The following DPP6 variants were observed in gnomAD, a reference collection of about 807,000 sequenced individuals.
DPP6 encodes the protein A-type potassium channel modulatory protein DPP6.
DPP6 carries 69 observed loss-of-function variants against 122.6 expected under a neutral mutation model. That is an observed-to-expected ratio of 0.56 (90% CI 0.46 to 0.69). The LOEUF (loss-of-function observed/expected upper bound fraction) is 0.69, where lower values mean the gene tolerates loss of function less well. Among genes scored for constraint, DPP6 ranks in the 30% least tolerant of loss-of-function variants. The pLI is 0.00. For synonymous variants in DPP6, 418 were observed against 433.1 expected (o/e 0.97, Z 0.43); for missense variants, 928 against 1,116.9 (o/e 0.83, Z 2.41).
chr7:154,764,756 A>T (rs930218403), intron 8 of DPP6, among the ~76,000 whole-genome samples: 1 of 152,124 alleles, frequency 6.6e-6, no homozygotes, highest in African/African-American at 2.4e-5. Context: ...TGTTTACTGT[A>T]TTACAAACTT....
intron 11 of DPP6, among the ~76,000 whole-genome samples, chr7:154,794,609 C>T (rs898511132): frequency 2.0e-5 from 3 of 152,212 alleles, no homozygotes; most frequent in African/African-American, 7.2e-5. Context: ...GGGCTCCAGG[C>T]GTGCGTCCCT....
At chr7:153,828,416 G>T in the DPP6 span, among the ~76,000 whole-genome samples, 53 of 152,262 alleles carry the variant, frequency 3.5e-4, no homozygotes, top group South Asian at 0.011. Context: ...GCTGAGGGAA[G>T]GGTGGGCACC....
intron 5 of DPP6, chr7:154,588,086 C>T: frequency 6.3e-7 from 1 of 1,598,994 alleles, no homozygotes; most frequent in Non-Finnish European, 8.5e-7. Context: ...ACCGAGTGAG[C>T]CTTGCAGCCT....
rs573865899 is a variant in DPP6, at chr7:154,128,526, C to T, written c.243+75463C>T. ...ACGCCATTCTCCTGCCTCAGCCTCC[C>T]GAGTAGCTGGGACTACAGGCGCCCG... is the stretch of plus-strand genomic sequence containing the variant. On this transcript the variant is annotated intron_variant, in intron 1 of 25. Coordinates refer to ENST00000377770, the MANE Select transcript of DPP6 (RefSeq NM_130797.4). 9.9e-5 allele frequency among the ~76,000 whole-genome samples: 15 copies of T among 152,220 alleles called. No homozygotes were observed. In the East Asian group the frequency reaches 1.4e-3, roughly 14 times the overall value.
intron 7 of DPP6, among the ~76,000 whole-genome samples, chr7:154,720,414 G>T (rs1011234979): frequency 4.6e-5 from 7 of 152,200 alleles, no homozygotes; most frequent in African/African-American, 1.7e-4. Context: ...TCATTCTCCT[G>T]GGCCTTATGT....
At chr7:154,327,015 G>A (rs2151029334) in intron 1 of DPP6, among the ~76,000 whole-genome samples, 1 of 152,278 alleles carries the variant, frequency 6.6e-6, no homozygotes, top group Admixed American at 6.5e-5. Context: ...GAGGTCACAG[G>A]ATCGTTAGAC....
chr7:154,754,563 C>T (rs1171961211), intron 8 of DPP6, among the ~76,000 whole-genome samples: 2 of 152,230 alleles, frequency 1.3e-5, no homozygotes, highest in East Asian at 3.9e-4. Flanking sequence ...GTTCACAATC[C>T]ATATTACCTA....
At chr7:154,292,245 T>C (rs79769842) in intron 1 of DPP6, among the ~76,000 whole-genome samples, 4,462 of 152,134 alleles carry the variant, frequency 0.029, 177 homozygotes, top group African/African-American at 0.086. Context: ...GGAAAATATA[T>C]ATATACCAGA....
At chr7:153,795,057 C>T in the DPP6 span, among the ~76,000 whole-genome samples, 1 of 152,148 alleles carries the variant, frequency 6.6e-6, no homozygotes, top group Non-Finnish European at 1.5e-5. Flanking sequence ...GGAAGAGACT[C>T]AAGCAGGCAC....
chr7:154,558,339 C>T (rs1830189217), intron 4 of DPP6, among the ~76,000 whole-genome samples: 1 of 152,280 alleles, frequency 6.6e-6, no homozygotes, highest in East Asian at 1.9e-4. Context: ...ATAACAATTA[C>T]AGAACTCTGT....
chr7:154,288,078 T>C (rs1402249497), intron 1 of DPP6, among the ~76,000 whole-genome samples: 2 of 152,294 alleles, frequency 1.3e-5, no homozygotes, highest in Admixed American at 6.5e-5. Flanking sequence ...GATCTGGTTG[T>C]TCCCCGCAGT....
chr7:154,052,720 C>CTTT lies in DPP6; in HGVS notation c.-90_-88dup, dbSNP rs571183490. The CTTT allele has an allele frequency of 8.8e-6, 10 of 1,138,596 alleles. No individual in the cohort carries two copies. The highest frequency in any genetic ancestry group is 1.7e-5 in the South Asian group (1 of 59,722). 70.5% of individuals were successfully genotyped at this position (1,138,596 alleles called of 1,614,324 possible). ...GCTGCTGCTGCTGCCTCCCCACCGC[C>CTTT]TTTTTTTTTTTTTAATCTGGAGCGG... is the stretch of plus-strand genomic sequence containing the variant. On this transcript the variant is annotated 5_prime_UTR_variant, in exon 1 of 26. Transcript: ENST00000377770. The surrounding 1 kb of genome is among the most constrained non-coding windows in gnomAD (Gnocchi z 4.8).
rs1818484674 is a variant in DPP6, at chr7:154,432,212, C to A, written c.244-14002C>A. Among the ~76,000 whole-genome samples, 4 of 152,174 alleles carry A rather than the reference C, an allele frequency of 2.6e-5. No homozygotes were observed. In the South Asian group the frequency reaches 8.3e-4, roughly 32 times the overall value. On this transcript the variant is annotated intron_variant, in intron 1 of 25. Transcript: ENST00000377770. ...TTAAGTATTTAGGCTCTAATGAATT[C>A]CATGTACTAAGTTGCCTGGCTGTTT...
At chr7:154,752,055 G>A (rs890766175) in intron 8 of DPP6, among the ~76,000 whole-genome samples, 4 of 152,192 alleles carry the variant, frequency 2.6e-5, no homozygotes, top group Non-Finnish European at 4.4e-5. Flanking sequence ...AGAGCAGGGC[G>A]TCCTTGGAAA....
chr7:154,807,153 G>A, intron 16 of DPP6, 41 bp downstream of exon 16: 1 of 1,602,842 alleles, frequency 6.2e-7, no homozygotes, highest in African/African-American at 1.3e-5. Flanking sequence ...AGCCCTGGCA[G>A]GCACATTTGC....
At chr7:154,623,645 G>GCC (rs1448012410) in intron 5 of DPP6, among the ~76,000 whole-genome samples, 2 of 62,834 alleles carry the variant, frequency 3.2e-5, no homozygotes, top group African/African-American at 4.7e-5. Flanking sequence ...GCACACACGC[G>GCC]CACACACGCG....
intron 1 of DPP6, among the ~76,000 whole-genome samples, chr7:154,109,675 T>G (rs2150582946): frequency 6.6e-6 from 1 of 152,306 alleles, no homozygotes; most frequent in African/African-American, 2.4e-5. Context: ...TGTGTGCATT[T>G]TTTTTTCCTC....
rs1333788470 is a variant in DPP6, at chr7:153,967,618, G to A, written c.51+79884G>A. ...GGGCTGTTCAGCTGTTACAAAGCTCGTGTCCAACCTAACATCAGTGTCTCT... is the reference window on the plus strand; with the variant it reads ...GGGCTGTTCAGCTGTTACAAAGCTCATGTCCAACCTAACATCAGTGTCTCT... On this transcript the variant is annotated intron_variant, in intron 1 of 25. Coordinates refer to the DPP6 transcript ENST00000404039. Among the ~76,000 whole-genome samples the A allele has an allele frequency of 2.6e-5, 4 of 152,196 alleles. No homozygotes were observed. In the East Asian group the frequency reaches 5.8e-4, roughly 22 times the overall value.
At chr7:154,473,597 G>A (rs1822476636) in intron 2 of DPP6, among the ~76,000 whole-genome samples, 1 of 152,044 alleles carries the variant, frequency 6.6e-6, no homozygotes, top group South Asian at 2.1e-4. Context: ...AATGCACTGG[G>A]GTCCTAGAAG....
Sources: allele counts gnomAD v4.1 joint callset (sites outside exome capture counted in the v4.1 genomes callset), GRCh38; gene constraint gnomAD v4.1.1; non-coding constraint Gnocchi (gnomAD v3.1); transcripts MANE v1.5; gene names NCBI Gene and HGNC (gene_info 2026-07-23, HGNC 2026-07-21).